Variants in BICC1 observed in about 807,000 individuals in gnomAD.
The protein encoded by BICC1 is BicC family RNA binding protein 1.
BICC1 carries 43 observed loss-of-function variants against 111.0 expected under a neutral mutation model. The observed-to-expected ratio is 0.39, with a 90% confidence interval of 0.30 to 0.50. The LOEUF is 0.50. Among genes scored for constraint, BICC1 ranks in the 20% least tolerant of loss-of-function variants. The probability of loss-of-function intolerance (pLI) is 0.88; values close to 1 mark genes in which losing one functional copy is unlikely to be tolerated. For synonymous variants in BICC1, 467 were observed against 434.4 expected (o/e 1.07, Z -0.93); for missense variants, 1,091 against 1,203.2 (o/e 0.91, Z 1.38).
chr10:58,725,234 A>T (rs1166148535), intron 3 of BICC1, among the ~76,000 whole-genome samples: 1 of 152,190 alleles, frequency 6.6e-6, no homozygotes, highest in African/African-American at 2.4e-5. Context: ...CAAGACATGT[A>T]CATTTGTGGC....
intron 1 of BICC1, among the ~76,000 whole-genome samples, chr10:58,603,336 A>G (rs1206233796): frequency 6.6e-6 from 1 of 152,180 alleles, no homozygotes; most frequent in Non-Finnish European, 1.5e-5. Context: ...TGTTGATTTC[A>G]CCATGTGATT....
intron 3 of BICC1, among the ~76,000 whole-genome samples, chr10:58,750,974 C>G (rs1182184556): frequency 6.6e-6 from 1 of 152,084 alleles, no homozygotes; most frequent in African/African-American, 2.4e-5. Context: ...TTCTTTTTCT[C>G]TTTCTCTGTT....
intron 18 of BICC1, among the ~76,000 whole-genome samples, chr10:58,816,210 C>A (rs1844080706): frequency 6.6e-6 from 1 of 152,166 alleles, no homozygotes; most frequent in Non-Finnish European, 1.5e-5. Flanking sequence ...GGTGGTCACT[C>A]ACCCCAATTT....
intron 2 of BICC1, among the ~76,000 whole-genome samples, chr10:58,663,330 G>A (rs987722917): frequency 6.6e-6 from 1 of 152,150 alleles, no homozygotes; most frequent in Non-Finnish European, 1.5e-5. Flanking sequence ...GCCTCCCAAA[G>A]TGCTGGGGTT....
rs763339567 is a variant in BICC1 at position 58,828,742 on chromosome 10, TC to T, written c.2795-18del. ...GAACTTCTCTTGAGCTCCTAACAAT[TC>T]TCTCTTTCTCTCTCTAGAACTAAAT... On this transcript the variant is annotated intron_variant, in intron 20 of 20. Coordinates refer to ENST00000373886, the MANE Select transcript of BICC1 (RefSeq NM_001080512.3). 69 of 1,611,428 alleles carry T rather than the reference TC, an allele frequency of 4.3e-5. No homozygotes were observed. The highest frequency in any genetic ancestry group is 5.6e-5 in the Non-Finnish European group (66 of 1,178,634).
chr10:58,564,542 C>T (rs1213797525), intron 1 of BICC1, among the ~76,000 whole-genome samples: 1 of 152,176 alleles, frequency 6.6e-6, no homozygotes, highest in Non-Finnish European at 1.5e-5. Context: ...ACAACTATGA[C>T]ATTATGCTGT....
chr10:58,635,078 G>C (rs1837915105), intron 2 of BICC1, among the ~76,000 whole-genome samples: 1 of 152,122 alleles, frequency 6.6e-6, no homozygotes, highest in Non-Finnish European at 1.5e-5. Flanking sequence ...AGAGTCAACT[G>C]TATATGTATT....
At chr10:58,766,999 G>GT (rs1456284474) in intron 3 of BICC1, among the ~76,000 whole-genome samples, 1 of 152,076 alleles carries the variant, frequency 6.6e-6, no homozygotes, top group Non-Finnish European at 1.5e-5. Context: ...TTCAACAGCT[G>GT]TTTGTATCTG....
chr10:58,759,122 G>T (rs985317997), intron 3 of BICC1, among the ~76,000 whole-genome samples: 1 of 151,858 alleles, frequency 6.6e-6, no homozygotes, highest in Non-Finnish European at 1.5e-5. Context: ...ACCACACCCA[G>T]CTAATTTTTG....
intron 2 of BICC1, among the ~76,000 whole-genome samples, chr10:58,633,403 G>T (rs1837857732): frequency 6.6e-6 from 1 of 152,228 alleles, no homozygotes; most frequent in Admixed American, 6.5e-5. Context: ...TTGCAGTATA[G>T]TTGCTTTGCA....
chr10:58,584,634 A>G (rs1589119066), intron 1 of BICC1, among the ~76,000 whole-genome samples: 1 of 152,142 alleles, frequency 6.6e-6, no homozygotes, highest in Non-Finnish European at 1.5e-5. Flanking sequence ...ATGTATATCT[A>G]TCTTTTCCCT....
chr10:58,775,366 T>C (rs776334520), intron 3 of BICC1, among the ~76,000 whole-genome samples: 39 of 150,910 alleles, frequency 2.6e-4, no homozygotes, highest in Middle Eastern at 3.4e-3. Flanking sequence ...AGAGCGAGAC[T>C]CTGTCTCAAA....
At chr10:58,674,386 T>C (rs1416723079) in intron 2 of BICC1, among the ~76,000 whole-genome samples, 1 of 152,182 alleles carries the variant, frequency 6.6e-6, no homozygotes, top group Non-Finnish European at 1.5e-5. Context: ...GGGGTGTTAG[T>C]GAATGCCAAG....
rs1001056185 is a variant in BICC1 at position 58,599,926 on chromosome 10, G to C, written c.191-20929G>C. Among the ~76,000 whole-genome samples the C allele has an allele frequency of 2.1e-4, 20 of 94,960 alleles. 1 individual carries two copies. Among genetic ancestry groups the C allele is most frequent in the Non-Finnish European group, 3.7e-4 (16 of 43,284 alleles). The allele number at this position is 94,960 out of a possible 152,430, so 62.3% of individuals were successfully genotyped here. On this transcript the variant is annotated intron_variant, in intron 1 of 20. Transcript: ENST00000373886. Reference sequence around the variant, plus strand: ...TTGTCTTTCACAAAATCTAACTAAAGAGGGTGTGTGTGTGTGTGTGTGTGT... The same window carrying C: ...TTGTCTTTCACAAAATCTAACTAAACAGGGTGTGTGTGTGTGTGTGTGTGT...
At position 58,613,971 on chromosome 10, in the gene BICC1, T is replaced by A. The variant is rs907582429; in HGVS notation, c.191-6884T>A. ...AATGAGCATTTTATTTTATTTATCT[T>A]ATTTTTTTTAAATGAGCATTTTAAA... On this transcript the variant is annotated intron_variant, in intron 1 of 20. Transcript: ENST00000373886. Among the ~76,000 whole-genome samples, 3 of 152,356 alleles carry A rather than the reference T, an allele frequency of 2.0e-5. No homozygotes were observed. The East Asian group carries it at 5.8e-4, about 29-fold the overall frequency.
At chr10:58,671,498 C>A (rs1316668266) in intron 2 of BICC1, among the ~76,000 whole-genome samples, 1 of 152,080 alleles carries the variant, frequency 6.6e-6, no homozygotes, top group Non-Finnish European at 1.5e-5. Context: ...GCTAAAATTT[C>A]CCTGGACAGA....
chr10:58,578,288 AT>A (rs1019336641), intron 1 of BICC1, among the ~76,000 whole-genome samples: 3 of 151,666 alleles, frequency 2.0e-5, no homozygotes, highest in Non-Finnish European at 4.4e-5. Context: ...CCGAGTTGTT[AT>A]TTTTTGTTCC....
At chr10:58,621,944 T>C (rs146188739) in intron 2 of BICC1, among the ~76,000 whole-genome samples, 24,994 of 63,188 alleles carry the variant, frequency 0.4, 7,899 homozygotes, top group Admixed American at 0.47. Flanking sequence ...TAGAATAGAA[T>C]AGAATAGAAT....
At chr10:58,570,742 A>G (rs1354696576) in intron 1 of BICC1, among the ~76,000 whole-genome samples, 1 of 152,172 alleles carries the variant, frequency 6.6e-6, no homozygotes, top group Non-Finnish European at 1.5e-5. Flanking sequence ...AGTTATGTGC[A>G]AATAGGAAAT....
Sources: gnomAD v4.1 joint callset for allele counts (sites outside exome capture counted in the v4.1 genomes callset) on GRCh38, gnomAD v4.1.1 for gene constraint, MANE v1.5 for transcripts, NCBI Gene and HGNC (gene_info 2026-07-23, HGNC 2026-07-21) for gene names.